HMCN1: variants seen among roughly 807,000 people sequenced by gnomAD.
The protein encoded by HMCN1 is hemicentin 1, also known as hemicentin-1.
A neutral mutation model predicts 625.9 loss-of-function variants in HMCN1; 321 were observed. The ratio of observed to expected loss-of-function variants is 0.51; its 90% CI spans 0.47 to 0.56. The LOEUF (loss-of-function observed/expected upper bound fraction) is 0.56. HMCN1 is among the 20% of genes least tolerant of loss of function. The probability of loss-of-function intolerance (pLI) is 0.00; values close to 1 mark genes in which losing one functional copy is unlikely to be tolerated. For missense variants in HMCN1, 6,588 were observed against 6,887.3 expected (o/e 0.96, Z 1.54); for synonymous variants, 2,425 against 2,417.6 (o/e 1.00, Z -0.09).
intron 42 of HMCN1, 62 bp downstream of exon 42, chr1:186,048,901 T>A: frequency 4.1e-6 from 4 of 975,706 alleles, no homozygotes; most frequent in Non-Finnish European, 6.6e-6. Context: ...TCACTTAAAA[T>A]GACATTCATC....
At chr1:186,043,742 C>T (rs1472142622) in intron 40 of HMCN1, among the ~76,000 whole-genome samples, 1 of 152,124 alleles carries the variant, frequency 6.6e-6, no homozygotes, top group Non-Finnish European at 1.5e-5. Context: ...AGTGCTAGGA[C>T]TTGTGAATCT....
At chr1:186,077,561 T>G (rs1378894773) in intron 54 of HMCN1, among the ~76,000 whole-genome samples, 2 of 152,046 alleles carry the variant, frequency 1.3e-5, no homozygotes, top group African/African-American at 4.8e-5. Flanking sequence ...ATAAGGCAAA[T>G]GGAGTGAAAT....
At chr1:186,184,726 C>CA (rs1653173703) in intron 105 of HMCN1, among the ~76,000 whole-genome samples, 1 of 152,122 alleles carries the variant, frequency 6.6e-6, no homozygotes, top group Non-Finnish European at 1.5e-5. Context: ...TTTTAGTATT[C>CA]AGAAGCACTA....
At chr1:185,918,460 G>A (rs1181564442) in intron 6 of HMCN1, among the ~76,000 whole-genome samples, 1 of 152,140 alleles carries the variant, frequency 6.6e-6, no homozygotes, top group Non-Finnish European at 1.5e-5. Context: ...CCACCTTGAG[G>A]GGGGTCTTCC....
intron 32 of HMCN1, 94 bp from the exon 33 acceptor site, chr1:186,016,869 A>C (rs924795252): frequency 2.6e-6 from 2 of 774,674 alleles, no homozygotes; most frequent in Admixed American, 3.4e-5. Flanking sequence ...GATACCTATC[A>C]ATCTTCTGAA....
intron 1 of HMCN1, among the ~76,000 whole-genome samples, chr1:185,750,775 G>A (rs190374894): frequency 1.1e-3 from 168 of 151,622 alleles, no homozygotes; most frequent in Non-Finnish European, 2.0e-3. Context: ...TCTATTTACT[G>A]TGATTTTTGT....
chr1:185,805,934 T>G (rs1195079871), intron 1 of HMCN1, among the ~76,000 whole-genome samples: 2 of 152,258 alleles, frequency 1.3e-5, no homozygotes, highest in African/African-American at 4.8e-5. Flanking sequence ...TCCATTTATT[T>G]TTTTTACATA....
intron 2 of HMCN1, among the ~76,000 whole-genome samples, chr1:185,859,999 A>C (rs115451646): frequency 2.6e-5 from 4 of 152,236 alleles, no homozygotes; most frequent in African/African-American, 9.6e-5. Flanking sequence ...GCCACTTGTG[A>C]TTTAAAATTA....
Position 186,090,899 on chromosome 1 carries a change from G to C in HMCN1, c.9869G>C (p.Gly3290Ala). 1 of 1,612,166 alleles carries C rather than the reference G, an allele frequency of 6.2e-7. No homozygotes were observed. The highest frequency in any genetic ancestry group is 8.5e-7 in the Non-Finnish European group (1 of 1,178,708). ...AAAGATGGAAAGCCCATAGCTAGTG[G>C]TGAAACAGAAAGAATCCGGTATGTT... ...WLKDGKPIASGETERIRVSAN... is the reference protein window; with the variant it reads ...WLKDGKPIASAETERIRVSAN... The change falls in exon 64 of 107, where the codon GGT becomes GCT. Residue 3290 changes from glycine to alanine, a missense_variant. Coordinates refer to ENST00000271588, the MANE Select transcript of HMCN1 (RefSeq NM_031935.3).
intron 2 of HMCN1, among the ~76,000 whole-genome samples, chr1:185,858,773 G>A (rs1482472049): frequency 6.7e-6 from 1 of 149,788 alleles, no homozygotes; most frequent in East Asian, 1.9e-4. Context: ...TTTTTCTTAA[G>A]TTTGGAAATA....
intron 1 of HMCN1, among the ~76,000 whole-genome samples, chr1:185,789,608 G>A (rs1657857531): frequency 6.6e-6 from 1 of 151,922 alleles, no homozygotes; most frequent in Non-Finnish European, 1.5e-5. Context: ...GTAACAACCT[G>A]ATGAATGACA....
chr1:185,802,978 G>A (rs1658899033), intron 1 of HMCN1, among the ~76,000 whole-genome samples: 1 of 151,914 alleles, frequency 6.6e-6, no homozygotes, highest in African/African-American at 2.4e-5. Context: ...TTGGATATAT[G>A]CAGTAGAGAG....
chr1:186,017,338 C>T, intron 33 of HMCN1, among the ~76,000 whole-genome samples: 1 of 151,964 alleles, frequency 6.6e-6, no homozygotes, highest in African/African-American at 2.4e-5. Flanking sequence ...ATAGAAATTA[C>T]ATATTTAATT....
intron 5 of HMCN1, 130 bp downstream of exon 5, chr1:185,909,638 G>A: frequency 3.7e-6 from 3 of 821,784 alleles, no homozygotes; most frequent in Admixed American, 2.3e-5. Flanking sequence ...AGTGGCTAAG[G>A]AAGGTGTTTA....
chr1:186,090,743 A>G lies in HMCN1; in HGVS notation c.9728-15A>G. Reference sequence around the variant, plus strand: ...CTGTGTCTTGTTAATGAAATTCCTAATTATTTCTCCAAAGTTCCTCCAAGT... The same window carrying G: ...CTGTGTCTTGTTAATGAAATTCCTAGTTATTTCTCCAAAGTTCCTCCAAGT... On this transcript the variant is annotated splice_polypyrimidine_tract_variant and intron_variant, in intron 63 of 106. Transcript: ENST00000271588. The G allele has an allele frequency of 6.2e-7, 1 of 1,611,834 alleles. No individual in the cohort carries two copies. Among genetic ancestry groups the G allele is most frequent in the Non-Finnish European group, 8.5e-7 (1 of 1,178,530 alleles).
In HMCN1 at chr1:185,936,576, T is replaced by TCATAC. The variant is rs549095687; in HGVS notation, c.1828+2753_1828+2757dup. 2.8e-3 allele frequency among the ~76,000 whole-genome samples: 433 copies of TCATAC among 152,296 alleles called. 3 individuals carry two copies. Among genetic ancestry groups the TCATAC allele is most frequent in the Middle Eastern group, 6.8e-3 (2 of 294 alleles). On this transcript the variant is annotated intron_variant, in intron 11 of 106. Coordinates refer to ENST00000271588, the MANE Select transcript of HMCN1 (RefSeq NM_031935.3). ...TTGAAGAAGCCAGAATGCTATTTTC[T>TCATAC]CATACTCATTAATAGCTCTAACTAT... is the stretch of plus-strand genomic sequence containing the variant.
At chr1:186,012,817 T>C (rs1654090666) in intron 30 of HMCN1, among the ~76,000 whole-genome samples, 1 of 152,156 alleles carries the variant, frequency 6.6e-6, no homozygotes, top group African/African-American at 2.4e-5. Context: ...AACTGTTGAT[T>C]TTGAAAAATC....
chr1:186,124,919 A>G (rs1661572628), intron 81 of HMCN1, among the ~76,000 whole-genome samples: 1 of 152,018 alleles, frequency 6.6e-6, no homozygotes, highest in Non-Finnish European at 1.5e-5. Context: ...AGTCCAATCA[A>G]GTATTTTTTA....
intron 93 of HMCN1, 102 bp downstream of exon 93, chr1:186,146,025 AT>A: frequency 5.2e-6 from 6 of 1,144,338 alleles, no homozygotes; most frequent in African/African-American, 3.4e-5. Context: ...GAGAGGTGGA[AT>A]TAGAAAAAAA....
Sources: gnomAD v4.1 joint callset for allele counts (sites outside exome capture counted in the v4.1 genomes callset) on GRCh38, gnomAD v4.1.1 for gene constraint, MANE v1.5 for transcripts, NCBI Gene and HGNC (gene_info 2026-07-23, HGNC 2026-07-21) for gene names.